DIAPH2: variants seen among roughly 807,000 people sequenced by gnomAD.
DIAPH2 encodes diaphanous related formin 2, also known as protein diaphanous homolog 2.
A neutral mutation model predicts 92.7 loss-of-function variants in DIAPH2; 35 were observed. The observed-to-expected ratio is 0.38, with a 90% CI of 0.29 to 0.50. DIAPH2 has a LOEUF of 0.50. DIAPH2 is among the 20% of genes least tolerant of loss of function. The probability of loss-of-function intolerance (pLI) is 0.94; values close to 1 mark genes in which losing one functional copy is unlikely to be tolerated. For missense variants in DIAPH2, 701 were observed against 819.5 expected, an observed-to-expected ratio of 0.86 and a Z score of 1.77; for synonymous variants, 301 against 280.4, an observed-to-expected ratio of 1.07 and a Z score of -0.73.
intron 19 of DIAPH2, among the ~76,000 whole-genome samples, chrX:97,087,462 C>G (rs1159690859): frequency 9.0e-6 from 1 of 111,392 alleles, no homozygotes; most frequent in Admixed American, 9.6e-5. Flanking sequence ...TTTGGAGTTT[C>G]TACTCTTCGG....
At chrX:97,533,635 C>T (rs1162182939) in intron 26 of DIAPH2, among the ~76,000 whole-genome samples, 1 of 110,427 alleles carries the variant, frequency 9.1e-6, no homozygotes, top group Non-Finnish European at 1.9e-5. Flanking sequence ...AATGTGTTGC[C>T]TGATACCTTC....
At chrX:97,377,609 G>T (rs1377751793) in intron 24 of DIAPH2, among the ~76,000 whole-genome samples, 1 of 111,906 alleles carries the variant, frequency 8.9e-6, no homozygotes, top group Non-Finnish European at 1.9e-5. Context: ...AATGGCCCAA[G>T]GGCATAAAGC....
At chrX:96,804,770 A>G (rs948838659) in intron 4 of DIAPH2, among the ~76,000 whole-genome samples, 8 of 111,827 alleles carry the variant, frequency 7.2e-5, no homozygotes, top group Non-Finnish European at 1.5e-4. Context: ...TTTAAAAATA[A>G]TTTATTCAGC....
intron 23 of DIAPH2, among the ~76,000 whole-genome samples, chrX:97,306,594 A>G (rs1372523014): frequency 9.0e-6 from 1 of 111,567 alleles, no homozygotes; most frequent in Non-Finnish European, 1.9e-5. Flanking sequence ...ATCCTGGAAC[A>G]ACATCTCGTT....
At chrX:97,255,318 C>T (rs192535642) in intron 23 of DIAPH2, among the ~76,000 whole-genome samples, 2 of 111,827 alleles carry the variant, frequency 1.8e-5, no homozygotes, top group Admixed American at 1.9e-4. Flanking sequence ...CTCACTTATA[C>T]CATCTCCTCC....
intron 1 of DIAPH2, among the ~76,000 whole-genome samples, chrX:96,735,534 G>A (rs5949988): frequency 0.22 from 24,105 of 110,660 alleles, 1,976 homozygotes; most frequent in East Asian, 0.32. Flanking sequence ...ATTGGGAGCC[G>A]TATTTAAAAA....
intron 26 of DIAPH2, among the ~76,000 whole-genome samples, chrX:97,570,111 T>TTAGA (rs1376516303): frequency 6.2e-5 from 2 of 32,463 alleles, no homozygotes; most frequent in African/African-American, 2.0e-4. Flanking sequence ...TATATATATA[T>TTAGA]ATATATATAT....
intron 17 of DIAPH2, among the ~76,000 whole-genome samples, chrX:97,044,796 G>A (rs2066470083): frequency 9.0e-6 from 1 of 110,897 alleles, no homozygotes; most frequent in African/African-American, 3.3e-5. Context: ...AGAGAGCAAA[G>A]CCCCTTGAAA....
At chrX:97,335,134 T>C (rs2069047086) in intron 23 of DIAPH2, among the ~76,000 whole-genome samples, 1 of 110,054 alleles carries the variant, frequency 9.1e-6, no homozygotes, top group Non-Finnish European at 1.9e-5. Context: ...AATTTCATCA[T>C]GTGTAAAATG....
intron 26 of DIAPH2, among the ~76,000 whole-genome samples, chrX:97,493,283 C>T (rs373048247): frequency 3.6e-5 from 4 of 110,073 alleles, no homozygotes; most frequent in Non-Finnish European, 7.6e-5. Flanking sequence ...TTTATTGAGA[C>T]GGAGTTTCAC....
chrX:96,710,909 A>G (rs1161016106), intron 1 of DIAPH2, among the ~76,000 whole-genome samples: 1 of 111,216 alleles, frequency 9.0e-6, no homozygotes, highest in Non-Finnish European at 1.9e-5. Context: ...ATAGCTTAGC[A>G]CCCACTTATG....
chrX:97,227,218 G>A (rs2067972174), intron 22 of DIAPH2, among the ~76,000 whole-genome samples: 1 of 111,004 alleles, frequency 9.0e-6, no homozygotes. Context: ...AGGTTACAGT[G>A]AGCCGAGATC....
intron 22 of DIAPH2, among the ~76,000 whole-genome samples, chrX:97,149,469 C>T (rs1411546030): frequency 1.8e-5 from 2 of 110,375 alleles, no homozygotes; most frequent in African/African-American, 3.3e-5. Flanking sequence ...CGGTGGCTCA[C>T]GCCTGTAATC....
chrX:96,858,247 A>G (rs935419377), intron 4 of DIAPH2, among the ~76,000 whole-genome samples: 1 of 111,874 alleles, frequency 8.9e-6, no homozygotes, highest in Non-Finnish European at 1.9e-5. Flanking sequence ...TAGATATTGG[A>G]CTATTTCAGC....
chrX:96,765,346 C>A (rs1329516086), intron 4 of DIAPH2, among the ~76,000 whole-genome samples: 1 of 108,971 alleles, frequency 9.2e-6, no homozygotes, highest in Non-Finnish European at 1.9e-5. Context: ...TACAGGTGTG[C>A]ACCACCATGC....
At chrX:96,728,279 G>T (rs1381334417) in intron 1 of DIAPH2, among the ~76,000 whole-genome samples, 2 of 108,546 alleles carry the variant, frequency 1.8e-5, no homozygotes, top group Non-Finnish European at 3.8e-5. Context: ...GCATGATCTC[G>T]GTTCACTGCA....
intron 26 of DIAPH2, among the ~76,000 whole-genome samples, chrX:97,431,030 C>T (rs888516950): frequency 9.0e-6 from 1 of 111,026 alleles, no homozygotes; most frequent in African/African-American, 3.3e-5. Flanking sequence ...GAAGACTGGA[C>T]GAAAAAAAGA....
intron 19 of DIAPH2, among the ~76,000 whole-genome samples, chrX:97,093,427 C>T (rs2066842079): frequency 9.0e-6 from 1 of 111,288 alleles, no homozygotes; most frequent in Non-Finnish European, 1.9e-5. Context: ...ATTGGGGTTT[C>T]ACCAGGTACC....
intron 26 of DIAPH2, among the ~76,000 whole-genome samples, chrX:97,544,211 A>C (rs1157973008): frequency 1.8e-5 from 2 of 111,855 alleles, no homozygotes; most frequent in Non-Finnish European, 3.8e-5. Flanking sequence ...GCTGGAAGGG[A>C]AGGGGAAGAC....
Sources: gnomAD v4.1 joint callset for allele counts (sites outside exome capture counted in the v4.1 genomes callset) on GRCh38, gnomAD v4.1.1 for gene constraint, MANE v1.5 for transcripts, NCBI Gene and HGNC (gene_info 2026-07-23, HGNC 2026-07-21) for gene names.